CSMD3: variants seen among roughly 807,000 people sequenced by gnomAD.
CSMD3 encodes the protein CUB and Sushi multiple domains 3.
A neutral mutation model predicts 435.2 loss-of-function variants in CSMD3; 177 were observed. The observed-to-expected ratio is 0.41, with a 90% CI of 0.36 to 0.46. The LOEUF (loss-of-function observed/expected upper bound fraction) is 0.46. CSMD3 is among the 20% of genes least tolerant of loss of function. The pLI is 0.34. For synonymous variants in CSMD3, 1,656 were observed against 1,520.5 expected (o/e 1.09, Z -2.07); for missense variants, 4,265 against 4,504.6 (o/e 0.95, Z 1.52).
intron 59 of CSMD3, among the ~76,000 whole-genome samples, chr8:112,277,522 C>T (rs1818185818): frequency 6.6e-6 from 1 of 152,154 alleles, no homozygotes; most frequent in African/African-American, 2.4e-5. Context: ...CTGTCTTCTC[C>T]TGAGCCCTCC....
In CSMD3 at chr8:112,833,618, A is replaced by G. The variant is rs540234913; in HGVS notation, c.1756-3829T>C. Among the ~76,000 whole-genome samples the G allele has an allele frequency of 3.3e-5, 5 of 152,134 alleles. No individual in the cohort carries two copies. The South Asian group carries it at 1.0e-3, about 32-fold the overall frequency. ...TTGGATATCTGGTAAAATGTTTACTAGAACAGATGACAATTAGTCTCATTA... is the reference window on the plus strand; with the variant it reads ...TTGGATATCTGGTAAAATGTTTACTGGAACAGATGACAATTAGTCTCATTA... On this transcript the variant is annotated intron_variant, in intron 11 of 70. Transcript: ENST00000297405.
At chr8:112,850,134 T>C (rs1431054137) in intron 11 of CSMD3, among the ~76,000 whole-genome samples, 2 of 152,178 alleles carry the variant, frequency 1.3e-5, no homozygotes, top group Non-Finnish European at 2.9e-5. Flanking sequence ...TATTGTTATT[T>C]ACTATTATTC....
At chr8:112,237,889 C>A (rs1264498964) in intron 66 of CSMD3, among the ~76,000 whole-genome samples, 1 of 152,026 alleles carries the variant, frequency 6.6e-6, no homozygotes, top group Non-Finnish European at 1.5e-5. Context: ...AACAGGGCTG[C>A]ACCATATTGA....
intron 47 of CSMD3, among the ~76,000 whole-genome samples, 200 bp downstream of exon 47, chr8:112,318,637 G>A (rs1586754856): frequency 6.6e-6 from 1 of 152,052 alleles, no homozygotes; most frequent in East Asian, 1.9e-4. Context: ...ACCCTTGAAA[G>A]AATCAAAGAT....
chr8:113,157,923 C>T (rs765808113), intron 4 of CSMD3, among the ~76,000 whole-genome samples: 4 of 151,922 alleles, frequency 2.6e-5, no homozygotes, highest in African/African-American at 7.3e-5. Context: ...ATAACATTTC[C>T]GCCTCTAGTG....
At chr8:112,893,173 G>C (rs558152856) in intron 10 of CSMD3, among the ~76,000 whole-genome samples, 7 of 151,206 alleles carry the variant, frequency 4.6e-5, no homozygotes, top group Non-Finnish European at 7.4e-5. Context: ...CTATGTACCA[G>C]GCACTGTATG....
intron 1 of CSMD3, among the ~76,000 whole-genome samples, chr8:113,400,535 A>G (rs2094505147): frequency 6.6e-6 from 1 of 152,052 alleles, no homozygotes; most frequent in South Asian, 2.1e-4. Context: ...AGTGCTACAG[A>G]CGTTCTTCAA....
intron 1 of CSMD3, among the ~76,000 whole-genome samples, chr8:113,374,374 G>C (rs2094365429): frequency 6.6e-6 from 1 of 152,000 alleles, no homozygotes; most frequent in Admixed American, 6.5e-5. Flanking sequence ...TAACGAATGA[G>C]ACAAGTTTGA....
chr8:112,399,968 C>G (rs554890743), intron 35 of CSMD3, among the ~76,000 whole-genome samples: 1 of 152,124 alleles, frequency 6.6e-6, no homozygotes, highest in Non-Finnish European at 1.5e-5. Context: ...TCTTTCACAA[C>G]AATGTAGGCT....
At chr8:113,284,753 T>C (rs894338971) in intron 2 of CSMD3, among the ~76,000 whole-genome samples, 3 of 152,194 alleles carry the variant, frequency 2.0e-5, no homozygotes, top group Admixed American at 1.3e-4. Context: ...TTTGTACTGG[T>C]TTTGATATTT....
intron 32 of CSMD3, among the ~76,000 whole-genome samples, chr8:112,465,160 G>A (rs1424830812): frequency 2.6e-5 from 4 of 152,078 alleles, no homozygotes; most frequent in African/African-American, 9.7e-5. Flanking sequence ...TCTCCATTTA[G>A]TAGCCTATTT....
intron 23 of CSMD3, among the ~76,000 whole-genome samples, chr8:112,576,812 G>A (rs1195121039): frequency 3.3e-5 from 5 of 151,220 alleles, no homozygotes; most frequent in Non-Finnish European, 1.5e-5. Flanking sequence ...TTACAGGCAT[G>A]AGCCACTGCA....
intron 12 of CSMD3, among the ~76,000 whole-genome samples, chr8:112,821,609 C>T (rs1450948160): frequency 1.3e-5 from 2 of 152,114 alleles, no homozygotes; most frequent in East Asian, 1.9e-4. Flanking sequence ...TGCCTGTTCA[C>T]TCTGATGATA....
At chr8:113,337,261 T>C (rs1401809861) in intron 1 of CSMD3, among the ~76,000 whole-genome samples, 1 of 152,150 alleles carries the variant, frequency 6.6e-6, no homozygotes, top group African/African-American at 2.4e-5. Flanking sequence ...ATATTGGCTT[T>C]ATATATAACA....
chr8:113,428,555 AC>A (rs1293479353), intron 1 of CSMD3, among the ~76,000 whole-genome samples: 1 of 151,790 alleles, frequency 6.6e-6, no homozygotes, highest in Non-Finnish European at 1.5e-5. Flanking sequence ...TCTCAAAGAT[AC>A]TTATTAGAAT....
At chr8:112,908,881 T>C (rs537155833) in intron 10 of CSMD3, among the ~76,000 whole-genome samples, 21 of 151,592 alleles carry the variant, frequency 1.4e-4, no homozygotes, top group South Asian at 4.1e-4. Context: ...GTGTCCTCCT[T>C]GCATAATTTA....
At chr8:112,985,615 G>A (rs1457917570) in intron 6 of CSMD3, among the ~76,000 whole-genome samples, 1 of 152,082 alleles carries the variant, frequency 6.6e-6, no homozygotes, top group East Asian at 1.9e-4. Context: ...AAGATGAGTG[G>A]TGAGCAAGCG....
chr8:112,508,506 C>T (rs1345107507), intron 28 of CSMD3, among the ~76,000 whole-genome samples: 1 of 152,172 alleles, frequency 6.6e-6, no homozygotes, highest in East Asian at 1.9e-4. Context: ...GAACTTTGTC[C>T]CACTCTCAGC....
chr8:113,082,784 T>C (rs1249874310), intron 5 of CSMD3, among the ~76,000 whole-genome samples: 1 of 151,984 alleles, frequency 6.6e-6, no homozygotes, highest in African/African-American at 2.4e-5. Flanking sequence ...TATCCTATAG[T>C]TGAGAAATAC....
Sources: gnomAD v4.1 joint callset for allele counts (sites outside exome capture counted in the v4.1 genomes callset) on GRCh38, gnomAD v4.1.1 for gene constraint, MANE v1.5 for transcripts, NCBI Gene and HGNC (gene_info 2026-07-23, HGNC 2026-07-21) for gene names.